Variants in FOXO1 observed in about 807,000 individuals in gnomAD.
FOXO1 encodes the protein forkhead box O1, also known as forkhead box protein O1.
A neutral mutation model predicts 44.1 loss-of-function variants in FOXO1; 6 were observed. The ratio of observed to expected loss-of-function variants is 0.14; its 90% CI spans 0.07 to 0.27. FOXO1 has a LOEUF of 0.27. Ranked by LOEUF, FOXO1 falls within the 10% of genes least tolerant of loss-of-function variation. FOXO1 has a pLI of 1.00. For missense variants in FOXO1, 737 were observed against 888.8 expected, an observed-to-expected ratio of 0.83 and a Z score of 2.17; for synonymous variants, 380 against 362.7, an observed-to-expected ratio of 1.05 and a Z score of -0.54.
chr13:40,563,089 C>T (rs1192205435), intron 1 of FOXO1, among the ~76,000 whole-genome samples: 1 of 152,214 alleles, frequency 6.6e-6, no homozygotes, highest in Non-Finnish European at 1.5e-5. Context: ...GCTGACCATG[C>T]CCCCTGCATC....
At chr13:40,597,651 T>C (rs1180691924) in intron 1 of FOXO1, among the ~76,000 whole-genome samples, 1 of 152,068 alleles carries the variant, frequency 6.6e-6, no homozygotes, top group Non-Finnish European at 1.5e-5. Flanking sequence ...GAAAGAACTT[T>C]CCCCTAAGTC....
At chr13:40,590,094 C>T (rs1350695446) in intron 1 of FOXO1, among the ~76,000 whole-genome samples, 1 of 152,168 alleles carries the variant, frequency 6.6e-6, no homozygotes, top group African/African-American at 2.4e-5. Context: ...CCAATAACAG[C>T]AGTACTATTT....
intron 1 of FOXO1, among the ~76,000 whole-genome samples, chr13:40,624,750 T>C (rs1466387813): frequency 6.6e-6 from 1 of 152,250 alleles, no homozygotes; most frequent in Admixed American, 6.5e-5. Flanking sequence ...GAATCATTTT[T>C]GGTAAGCATG....
At chr13:40,663,140 C>T (rs1421041556) in intron 1 of FOXO1, among the ~76,000 whole-genome samples, 2 of 152,364 alleles carry the variant, frequency 1.3e-5, no homozygotes, top group African/African-American at 4.8e-5. Flanking sequence ...TAGGCTCCCA[C>T]TGGGAGCTGC....
chr13:40,618,057 C>A (rs937472353), intron 1 of FOXO1, among the ~76,000 whole-genome samples: 2 of 152,152 alleles, frequency 1.3e-5, no homozygotes, highest in African/African-American at 2.4e-5. Flanking sequence ...TTTCTTCCAG[C>A]GTACTGCAAG....
At chr13:40,606,573 A>C (rs779717086) in intron 1 of FOXO1, among the ~76,000 whole-genome samples, 2 of 152,152 alleles carry the variant, frequency 1.3e-5, no homozygotes, top group Non-Finnish European at 2.9e-5. Context: ...TCGGCCTCCC[A>C]AAATGCCAGG....
intron 1 of FOXO1, among the ~76,000 whole-genome samples, chr13:40,582,038 A>G (rs1874974874): frequency 6.6e-6 from 1 of 152,196 alleles, no homozygotes; most frequent in Non-Finnish European, 1.5e-5. Context: ...GGTACTAATT[A>G]TATTGGTCTC....
At chr13:40,584,623 A>AG (rs1031694773) in intron 1 of FOXO1, among the ~76,000 whole-genome samples, 1 of 152,064 alleles carries the variant, frequency 6.6e-6, no homozygotes, top group African/African-American at 2.4e-5. Flanking sequence ...CACTCCAGCC[A>AG]GGGGGGCAAA....
At chr13:40,658,619 A>G (rs1484247051) in intron 1 of FOXO1, among the ~76,000 whole-genome samples, 1 of 152,240 alleles carries the variant, frequency 6.6e-6, no homozygotes, top group Non-Finnish European at 1.5e-5. Flanking sequence ...GGATAGGAGA[A>G]GGAAAAATAA....
intron 1 of FOXO1, among the ~76,000 whole-genome samples, chr13:40,640,758 TTTG>T (rs142761112): frequency 0.016 from 2,281 of 140,480 alleles, 24 homozygotes; most frequent in South Asian, 0.031. Flanking sequence ...TGTTATTTCT[TTTG>T]TTGTTGTTGT....
chr13:40,615,398 G>A (rs1008907692), intron 1 of FOXO1, among the ~76,000 whole-genome samples: 1 of 152,246 alleles, frequency 6.6e-6, no homozygotes, highest in Non-Finnish European at 1.5e-5. Flanking sequence ...AACCGGGCAT[G>A]GGGGTGCGCG....
intron 1 of FOXO1, among the ~76,000 whole-genome samples, chr13:40,617,170 G>A (rs553680287): frequency 7.2e-5 from 11 of 152,350 alleles, no homozygotes; most frequent in Admixed American, 3.3e-4. Flanking sequence ...GAAAGGCCAG[G>A]CACAGTGGCT....
chr13:40,644,514 A>C (rs1877452535), intron 1 of FOXO1, among the ~76,000 whole-genome samples: 1 of 152,196 alleles, frequency 6.6e-6, no homozygotes, highest in South Asian at 2.1e-4. Flanking sequence ...GCCAGAGAAA[A>C]AAAATCACAA....
Position 40,620,150 on chromosome 13 carries a change from T to G in FOXO1, c.630+45433A>C, listed in dbSNP as rs565573987. 1.7e-5 allele frequency: 24 copies of G among 1,442,328 alleles called. 1 individual carries two copies. In the African/African-American group the frequency reaches 2.5e-4, roughly 15 times the overall value. The allele number at this position is 1,442,328 out of a possible 1,614,324, so 89.3% of individuals were successfully genotyped here. The stretch of plus-strand genomic sequence containing the variant: ...ACCCCATTCTCTAATTCAAGACTTA[T>G]GTCAAGAATAACAGTAGAAGAAGAA... On this transcript the variant is annotated intron_variant, in intron 1 of 2. Coordinates refer to ENST00000379561, the MANE Select transcript of FOXO1 (RefSeq NM_002015.4).
intron 1 of FOXO1, among the ~76,000 whole-genome samples, chr13:40,586,898 A>C (rs2137859289): frequency 6.6e-6 from 1 of 152,342 alleles, no homozygotes; most frequent in Admixed American, 6.5e-5. Context: ...GACACGTTGA[A>C]CAATCCTCTA....
intron 1 of FOXO1, among the ~76,000 whole-genome samples, chr13:40,651,075 G>GT (rs1178857740): frequency 1.4e-5 from 2 of 137,956 alleles, no homozygotes; most frequent in East Asian, 5.1e-4. Context: ...GCACTGCCTA[G>GT]TTTTTTTGGT....
chr13:40,599,493 G>A (rs73465257), intron 1 of FOXO1, among the ~76,000 whole-genome samples: 119 of 152,344 alleles, frequency 7.8e-4, no homozygotes, highest in African/African-American at 2.7e-3. Flanking sequence ...AGTTTTGTAC[G>A]TGGACCCTGT....
At chr13:40,596,009 G>C (rs1311284757) in intron 1 of FOXO1, among the ~76,000 whole-genome samples, 1 of 147,746 alleles carries the variant, frequency 6.8e-6, no homozygotes, top group Non-Finnish European at 1.5e-5. Flanking sequence ...AAAACATTCA[G>C]TACATGGCAT....
At position 40,665,864 on chromosome 13, in the gene FOXO1, A is replaced by G. The variant is rs900607148; in HGVS notation, c.349T>C (p.Cys117Arg). Residue 117 changes from cysteine to arginine, a missense_variant, in exon 1 of 3, where the codon TGC becomes CGC. Physicochemically the swap from Cys to Arg is radical, Grantham distance 180 (BLOSUM62 -3). Transcript: ENST00000379561. Reference sequence around the variant, plus strand: ...GGCTGCGGTGGCGCTGGGTGCAGGCAGCCCGCCTCCGGGCCCTGGAAGTCC... The same window carrying G: ...GGCTGCGGTGGCGCTGGGTGCAGGCGGCCCGCCTCCGGGCCCTGGAAGTCC... ...CGDFQGPEAG[C>R]LHPAPPQPPP... is the part of the protein sequence containing the mutation. 8.8e-7 allele frequency: 1 copy of G among 1,130,034 alleles called. No homozygotes were observed. Among genetic ancestry groups the G allele is most frequent in the Non-Finnish European group, 1.1e-6 (1 of 925,010 alleles). The allele number at this position is 1,130,034 out of a possible 1,614,324, so 70.0% of individuals were successfully genotyped here. A position where few individuals can be genotyped will look rare whatever the true frequency, so the allele number is the denominator to read the frequency against.
Sources: allele counts gnomAD v4.1 joint callset (sites outside exome capture counted in the v4.1 genomes callset), GRCh38; gene constraint gnomAD v4.1.1; transcripts MANE v1.5; gene names NCBI Gene and HGNC (gene_info 2026-07-23, HGNC 2026-07-21).